ALK: variants seen among roughly 807,000 people sequenced by gnomAD.
ALK encodes the protein ALK receptor tyrosine kinase.
A neutral mutation model predicts 163.1 loss-of-function variants in ALK; 74 were observed. That is an observed-to-expected ratio of 0.45 (90% CI 0.38 to 0.55). ALK has a LOEUF of 0.55. ALK is among the 20% of genes least tolerant of loss of function. ALK has a pLI of 0.00. For synonymous variants in ALK, 960 were observed against 843.2 expected, an observed-to-expected ratio of 1.14 and a Z score of -2.40; for missense variants, 2,063 against 2,105.3, an observed-to-expected ratio of 0.98 and a Z score of 0.39.
intron 3 of ALK, among the ~76,000 whole-genome samples, chr2:29,576,987 C>T (rs533908481): frequency 1.8e-4 from 27 of 151,952 alleles, no homozygotes; most frequent in Non-Finnish European, 3.5e-4. Flanking sequence ...AAATAAAATG[C>T]ACAATAATTG....
At chr2:29,822,895 A>G (rs1416911822) in intron 1 of ALK, among the ~76,000 whole-genome samples, 1 of 152,148 alleles carries the variant, frequency 6.6e-6, no homozygotes, top group Non-Finnish European at 1.5e-5. Flanking sequence ...TCTGGCTTTT[A>G]TTTCCGAATT....
At chr2:29,224,539 A>G (rs1663876302) in intron 19 of ALK, 1 of 229,796 alleles carries the variant, frequency 4.4e-6, no homozygotes, top group Admixed American at 5.7e-5. Context: ...TGGAAGCCAG[A>G]ACAAAATTGT....
intron 3 of ALK, among the ~76,000 whole-genome samples, chr2:29,641,326 G>A (rs905088934): frequency 7.2e-5 from 11 of 151,918 alleles, no homozygotes; most frequent in African/African-American, 4.8e-5. Flanking sequence ...AGGTGGGGGC[G>A]GCAAGAGTCT....
intron 1 of ALK, among the ~76,000 whole-genome samples, chr2:29,838,192 G>A (rs1186424714): frequency 6.6e-6 from 1 of 151,842 alleles, no homozygotes; most frequent in African/African-American, 2.4e-5. Context: ...TGTTAAAAAG[G>A]AAAAAAAGGA....
intron 1 of ALK, among the ~76,000 whole-genome samples, chr2:29,776,702 T>A (rs936146785): frequency 6.6e-6 from 1 of 151,962 alleles, no homozygotes; most frequent in South Asian, 2.1e-4. Flanking sequence ...GAGGCTGAGG[T>A]GGGAAGATTG....
rs1017156400 is a variant in ALK, at chr2:29,889,258, T to C, written c.667+30735A>G. On this transcript the variant is annotated intron_variant, in intron 1 of 28. Coordinates refer to ENST00000389048, the MANE Select transcript of ALK (RefSeq NM_004304.5). ...GAAAGGAAAAATATATATACACATA[T>C]ATATATATACACATATATATCATAT... Among the ~76,000 whole-genome samples, 9 of 151,726 alleles carry C rather than the reference T, an allele frequency of 5.9e-5. No homozygotes were observed. The East Asian group carries it at 9.7e-4, about 16-fold the overall frequency.
intron 4 of ALK, among the ~76,000 whole-genome samples, chr2:29,497,595 G>A (rs1323842594): frequency 6.6e-6 from 1 of 152,122 alleles, no homozygotes; most frequent in Non-Finnish European, 1.5e-5. Flanking sequence ...AGCACTCAAT[G>A]GTAATTTGTA....
chr2:29,423,032 A>C (rs1670055119), intron 4 of ALK, among the ~76,000 whole-genome samples: 1 of 151,990 alleles, frequency 6.6e-6, no homozygotes. Context: ...CCATAGTTTT[A>C]AGAAAGAGAA....
At chr2:29,403,376 G>T (rs959110464) in intron 4 of ALK, among the ~76,000 whole-genome samples, 2 of 152,062 alleles carry the variant, frequency 1.3e-5, no homozygotes, top group African/African-American at 4.8e-5. Context: ...TGTCCAGTGG[G>T]TTGCCTAAAT....
At chr2:29,212,810 G>A (rs1669499397) in intron 24 of ALK, among the ~76,000 whole-genome samples, 1 of 152,084 alleles carries the variant, frequency 6.6e-6, no homozygotes, top group Admixed American at 6.5e-5. Context: ...GGGTTCAAGT[G>A]ATTCTCCTGC....
In ALK at chr2:29,193,742, A is replaced by G. The variant is rs763814257; in HGVS notation, c.4345T>C (p.Ser1449Pro). 1 of 1,601,140 alleles carries G rather than the reference A, an allele frequency of 6.2e-7. No individual in the cohort carries two copies. Among genetic ancestry groups the G allele is most frequent in the Non-Finnish European group, 8.5e-7 (1 of 1,172,460 alleles). The change falls in exon 29 of 29, where the codon TCT becomes CCT. Residue 1449 changes from serine to proline, a missense_variant. Physicochemically the swap from Ser to Pro is moderately conservative, Grantham distance 74. Transcript: ENST00000389048. ...AAPPPLPTTSSGKAAKKPTAA... is the reference protein window; with the variant it reads ...AAPPPLPTTSPGKAAKKPTAA... The stretch of plus-strand genomic sequence containing the variant: ...GTGGGTTTCTTTGCAGCCTTGCCAG[A>G]GGAGGTGGTAGGCAGAGGTGGTGGG...
intron 5 of ALK, among the ~76,000 whole-genome samples, chr2:29,380,748 A>T (rs1668876355): frequency 6.6e-6 from 1 of 152,100 alleles, no homozygotes; most frequent in African/African-American, 2.4e-5. Context: ...GCACACTTTT[A>T]AACATCCAGA....
intron 3 of ALK, among the ~76,000 whole-genome samples, chr2:29,650,274 A>T (rs909109565): frequency 7.2e-5 from 11 of 152,202 alleles, no homozygotes; most frequent in Non-Finnish European, 2.9e-5. Flanking sequence ...ACCAGACCCC[A>T]TCCTGAAGCC....
At chr2:29,288,951 CAA>C (rs770578645) in intron 9 of ALK, among the ~76,000 whole-genome samples, 731 of 24,204 alleles carry the variant, frequency 0.03, 46 homozygotes, top group Middle Eastern at 0.056. Flanking sequence ...GACTCCTTCT[CAA>C]AAAAATAAAT....
rs756622399 is a variant in ALK, at chr2:29,532,091, T to C, written c.978A>G (p.Ser326=). ...PRGSFLLLNT[S]ADSKHTILSP... ...TCAGGATGGTGTGCTTGGAGTCAGC[T>C]GAGGTGTTGAGAAGGAGAAAGGAGC... is the stretch of plus-strand genomic sequence containing the variant. Residue 326 remains serine, a synonymous_variant, in exon 4 of 29, where the codon TCA becomes TCG. Coordinates refer to ENST00000389048, the MANE Select transcript of ALK (RefSeq NM_004304.5). 7 of 1,613,698 alleles carry C rather than the reference T, an allele frequency of 4.3e-6. No homozygotes were observed. The highest frequency in any genetic ancestry group is 5.9e-6 in the Non-Finnish European group (7 of 1,179,948).
chr2:29,767,113 C>T (rs937147293), intron 1 of ALK, among the ~76,000 whole-genome samples: 7 of 152,236 alleles, frequency 4.6e-5, no homozygotes, highest in Admixed American at 3.3e-4. Context: ...ATAGGACCTA[C>T]TATGCACCAG....
chr2:29,275,460 T>A lies in ALK; in HGVS notation c.1854A>T (p.Gly618=). 6.2e-7 allele frequency: 1 copy of A among 1,614,120 alleles called. No homozygotes were observed. The highest frequency in any genetic ancestry group is 1.1e-5 in the South Asian group (1 of 91,070). ...WLQMVAWWGQ[G]SRAIVAFDNI... The stretch of plus-strand genomic sequence containing the variant: ...TGTCAAAAGCCACGATGGCTCTGGA[T>A]CCTTGTCCCCACCATGCGACCATCT... Residue 618 remains glycine, a synonymous_variant, in exon 10 of 29, where the codon GGA becomes GGT. Transcript: ENST00000389048.
At position 29,512,180 on chromosome 2, in the gene ALK, A is replaced by G. The variant is rs139524458; in HGVS notation, c.1154+19735T>C. Among the ~76,000 whole-genome samples the G allele has an allele frequency of 1.7e-3, 258 of 152,324 alleles. 5 individuals are homozygous for G. The East Asian group carries it at 0.036, about 21-fold the overall frequency. On this transcript the variant is annotated intron_variant, in intron 4 of 28. Coordinates refer to ENST00000389048, the MANE Select transcript of ALK (RefSeq NM_004304.5). Reference sequence around the variant, plus strand: ...TCTTATGTTTTATTCCAGAAATGTTATAATAGCTTTAGATTTTGTTTAGGT... The same window carrying G: ...TCTTATGTTTTATTCCAGAAATGTTGTAATAGCTTTAGATTTTGTTTAGGT...
chr2:29,303,086 C>T lies in ALK; in HGVS notation c.1648-6029G>A, dbSNP rs549553746. On this transcript the variant is annotated intron_variant, in intron 8 of 28. Coordinates refer to ENST00000389048, the MANE Select transcript of ALK (RefSeq NM_004304.5). ...TATAAACAGAGTTTATAACAGCCTA[C>T]AGAATGGGAGAAAATATTTGCAAAC... 4.6e-5 allele frequency among the ~76,000 whole-genome samples: 7 copies of T among 152,256 alleles called. No individual in the cohort carries two copies. The South Asian group carries it at 1.2e-3, about 27-fold the overall frequency.
Sources: allele counts gnomAD v4.1 joint callset (sites outside exome capture counted in the v4.1 genomes callset), GRCh38; gene constraint gnomAD v4.1.1; transcripts MANE v1.5; gene names NCBI Gene and HGNC (gene_info 2026-07-23, HGNC 2026-07-21).